The following NDUFS4 variants were observed in gnomAD, a reference collection of about 807,000 sequenced individuals.
NDUFS4 encodes NADH:ubiquinone oxidoreductase subunit S4.
In NDUFS4, 28 loss-of-function variants were observed where a neutral mutation model predicts 24.3. That is an observed-to-expected ratio of 1.15 (90% CI 0.85 to 1.58). The LOEUF is 1.58. Ranked by LOEUF, NDUFS4 falls within the 40% of genes most tolerant of loss-of-function variation. NDUFS4 has a pLI of 0.00. For synonymous variants in NDUFS4, 93 were observed against 69.7 expected, an observed-to-expected ratio of 1.34 and a Z score of -1.67; for missense variants, 223 against 207.9, an observed-to-expected ratio of 1.07 and a Z score of -0.45.
At chr5:53,623,202 C>T (rs1292634411) in intron 2 of NDUFS4, among the ~76,000 whole-genome samples, 5 of 152,146 alleles carry the variant, frequency 3.3e-5, no homozygotes, top group Admixed American at 3.3e-4. Context: ...ATACTGTTTT[C>T]CATATTGGCT....
At chr5:53,639,770 T>G (rs1415299781) in intron 2 of NDUFS4, among the ~76,000 whole-genome samples, 1 of 152,150 alleles carries the variant, frequency 6.6e-6, no homozygotes, top group East Asian at 1.9e-4. Flanking sequence ...TAAACTTTGT[T>G]TAAACTTGTT....
chr5:53,621,074 C>G (rs1036413589), intron 2 of NDUFS4, among the ~76,000 whole-genome samples: 3 of 152,126 alleles, frequency 2.0e-5, no homozygotes, highest in Non-Finnish European at 4.4e-5. Flanking sequence ...TGGTATCTTT[C>G]CTGTGTGTGT....
At chr5:53,609,382 T>C (rs568644416) in intron 2 of NDUFS4, among the ~76,000 whole-genome samples, 32 of 152,318 alleles carry the variant, frequency 2.1e-4, no homozygotes, top group Admixed American at 9.2e-4. Context: ...AGCAGTAATA[T>C]TTTGAAAATA....
intron 2 of NDUFS4, chr5:53,604,907 C>G (rs1261243812): frequency 2.2e-6 from 1 of 456,158 alleles, no homozygotes; most frequent in African/African-American, 2.0e-5. Context: ...TAATCAAACA[C>G]CACTTGCTTA....
rs114898727 is a variant in NDUFS4 at position 53,582,704 on chromosome 5, C to T, written c.99-20748C>T. On this transcript the variant is annotated intron_variant, in intron 1 of 4. Coordinates refer to ENST00000296684, the MANE Select transcript of NDUFS4 (RefSeq NM_002495.4). ...TCATCATGATGGCCTGTTTACTTGT[C>T]TGTGTTTCTCTTTAGACTTAAGTTC... 2.0e-3 allele frequency among the ~76,000 whole-genome samples: 297 copies of T among 152,302 alleles called. 1 individual carries two copies. Among genetic ancestry groups the T allele is most frequent in the African/African-American group, 6.9e-3 (285 of 41,560 alleles).
chr5:53,563,026 G>C (rs1425571210), intron 1 of NDUFS4, among the ~76,000 whole-genome samples: 2 of 151,866 alleles, frequency 1.3e-5, no homozygotes, highest in Non-Finnish European at 2.9e-5. Context: ...TCAGGAGATC[G>C]AGACCATCCT....
At chr5:53,589,757 A>C (rs951960915) in intron 1 of NDUFS4, among the ~76,000 whole-genome samples, 29 of 152,202 alleles carry the variant, frequency 1.9e-4, no homozygotes, top group Non-Finnish European at 3.2e-4. Context: ...CCATCTAATC[A>C]GCTGCCAGTG....
At chr5:53,596,406 G>A (rs569791323) in intron 1 of NDUFS4, among the ~76,000 whole-genome samples, 13 of 152,148 alleles carry the variant, frequency 8.5e-5, no homozygotes, top group South Asian at 4.2e-4. Flanking sequence ...GTACTCCAGC[G>A]TAGGTGATAA....
At chr5:53,662,662 T>G (rs571751926) in intron 4 of NDUFS4, among the ~76,000 whole-genome samples, 40 of 152,290 alleles carry the variant, frequency 2.6e-4, no homozygotes, top group African/African-American at 9.6e-4. Context: ...AATTATTGCC[T>G]CAATTTCAGA....
chr5:53,671,036 A>G (rs182486280), intron 4 of NDUFS4, among the ~76,000 whole-genome samples: 248 of 152,016 alleles, frequency 1.6e-3, no homozygotes, highest in African/African-American at 5.4e-3. Context: ...TAGAGATGCT[A>G]TAAGTTTCTG....
At chr5:53,657,938 A>T (rs1351504315) in intron 3 of NDUFS4, among the ~76,000 whole-genome samples, 1 of 152,074 alleles carries the variant, frequency 6.6e-6, no homozygotes, top group Non-Finnish European at 1.5e-5. Flanking sequence ...AAAAAAAAAA[A>T]AAAAGAATAA....
At chr5:53,662,327 C>T (rs956082308) in intron 4 of NDUFS4, among the ~76,000 whole-genome samples, 10 of 152,198 alleles carry the variant, frequency 6.6e-5, no homozygotes, top group Admixed American at 3.9e-4. Flanking sequence ...ACCAGCCTTG[C>T]ATCCCAGGGA....
Position 53,592,543 on chromosome 5 carries a change from C to G in NDUFS4, c.99-10909C>G, listed in dbSNP as rs545397489. Among the ~76,000 whole-genome samples the G allele has an allele frequency of 7.9e-4, 120 of 152,288 alleles. 1 individual carries two copies. The highest frequency in any genetic ancestry group is 2.6e-3 in the African/African-American group (110 of 41,570). ...TTGTTTTGCTTCCTACATTTAGGTTCATGAGCCATTTTCAGTTAATTTCTG... is the reference window on the plus strand; with the variant it reads ...TTGTTTTGCTTCCTACATTTAGGTTGATGAGCCATTTTCAGTTAATTTCTG... On this transcript the variant is annotated intron_variant, in intron 1 of 4. Transcript: ENST00000296684.
chr5:53,683,071 C>CTCTT, intron 4 of NDUFS4, 47 bp from the exon 5 acceptor site: 2 of 1,240,964 alleles, frequency 1.6e-6, no homozygotes, highest in East Asian at 2.3e-5. Flanking sequence ...TTCAGGTATC[C>CTCTT]TCTTTAATTC....
chr5:53,596,843 G>T (rs563919234), intron 1 of NDUFS4, among the ~76,000 whole-genome samples: 72 of 152,262 alleles, frequency 4.7e-4, no homozygotes, highest in African/African-American at 1.6e-3. Flanking sequence ...GTTTTTATAA[G>T]ATTAGGAGTT....
At chr5:53,607,389 C>T (rs1366477754) in intron 2 of NDUFS4, among the ~76,000 whole-genome samples, 1 of 152,104 alleles carries the variant, frequency 6.6e-6, no homozygotes, top group Non-Finnish European at 1.5e-5. Context: ...TGGGATTTAT[C>T]TGCCACAAAT....
chr5:53,611,205 G>GT (rs571739118), intron 2 of NDUFS4, among the ~76,000 whole-genome samples: 2,512 of 140,378 alleles, frequency 0.018, 51 homozygotes, highest in African/African-American at 0.049. Flanking sequence ...AAAACTTGTG[G>GT]TTTTTTTTTT....
chr5:53,643,180 C>CT (rs1169051279), intron 2 of NDUFS4, among the ~76,000 whole-genome samples: 3 of 151,924 alleles, frequency 2.0e-5, no homozygotes, highest in Non-Finnish European at 4.4e-5. Context: ...AGCTTGAAGG[C>CT]TTTTCATACC....
In NDUFS4 at chr5:53,603,281, AG is replaced by A. The variant is rs1750385303; in HGVS notation, c.99-170del. On this transcript the variant is annotated intron_variant, in intron 1 of 4. Transcript: ENST00000296684. The stretch of plus-strand genomic sequence containing the variant: ...TGAGTCTGCCAAAAACTCAGCAGAC[AG>A]AACTAATTGCAGAGAAAAAGGACTT... Among the ~76,000 whole-genome samples, 8 of 152,118 alleles carry A rather than the reference AG, an allele frequency of 5.3e-5. 1 individual carries two copies. In the South Asian group the frequency reaches 1.7e-3, roughly 32 times the overall value.
Sources: gnomAD v4.1 joint callset for allele counts (sites outside exome capture counted in the v4.1 genomes callset) on GRCh38, gnomAD v4.1.1 for gene constraint, MANE v1.5 for transcripts, NCBI Gene and HGNC (gene_info 2026-07-23, HGNC 2026-07-21) for gene names.